The following OGA variants were observed in gnomAD, a reference collection of about 807,000 sequenced individuals.
OGA encodes protein O-GlcNAcase.
A neutral mutation model predicts 102.0 loss-of-function variants in OGA; 21 were observed. The observed-to-expected ratio is 0.21, with a 90% CI of 0.15 to 0.30. OGA has a LOEUF of 0.30. Ranked by LOEUF, OGA falls within the 10% of genes least tolerant of loss-of-function variation. OGA has a pLI of 1.00. For missense variants in OGA, 765 were observed against 1,107.8 expected, an observed-to-expected ratio of 0.69 and a Z score of 4.39; for synonymous variants, 408 against 378.2, an observed-to-expected ratio of 1.08 and a Z score of -0.91.
intron 6 of OGA, 76 bp from the exon 7 acceptor site, chr10:101,804,095 A>G: frequency 1.4e-6 from 2 of 1,393,200 alleles, no homozygotes; most frequent in South Asian, 1.4e-5. Flanking sequence ...CTGTAATCCC[A>G]GCACTCTGGG....
At chr10:101,812,849 T>C (rs1343821867) in intron 3 of OGA, 181 bp downstream of exon 3, 8 of 670,648 alleles carry the variant, frequency 1.2e-5, no homozygotes, top group Middle Eastern at 2.4e-4. Flanking sequence ...CATATGGTCA[T>C]GACCTTGCTA....
intron 3 of OGA, among the ~76,000 whole-genome samples, chr10:101,810,994 C>CTT (rs940574452): frequency 1.4e-4 from 21 of 144,866 alleles, no homozygotes; most frequent in South Asian, 1.1e-3. Context: ...CTGGATCTTG[C>CTT]TTTTTTTTTT....
Position 101,810,232 on chromosome 10 carries a change from A to G in OGA, c.432T>C (p.Thr144=). ...IYAISPGLDI[T]FSNPKEVSTL... is the part of the protein sequence containing the mutation. ...TGGATACTTCCTTGGGGTTAGAAAA[A>G]GTGATATCCAATCCAGGTGAGATCG... The change falls in exon 4 of 16, where the codon ACT becomes ACC. Residue 144 remains threonine, a synonymous_variant. Coordinates refer to ENST00000361464, the MANE Select transcript of OGA (RefSeq NM_012215.5). 1 of 1,612,274 alleles carries G rather than the reference A, an allele frequency of 6.2e-7. No individual in the cohort carries two copies. The highest frequency in any genetic ancestry group is 1.7e-5 in the Admixed American group (1 of 59,988).
chr10:101,787,355 T>C lies in OGA; in HGVS notation c.2614+9A>G, dbSNP rs2065202928. On this transcript the variant is annotated intron_variant, in intron 15 of 15. Transcript: ENST00000361464. ...CCAAATACCACCAACTCCACAAATA[T>C]GTACTCACCATTAGCCTTCAGTGAA... 3 of 1,601,934 alleles carry C rather than the reference T, an allele frequency of 1.9e-6. No individual in the cohort carries two copies. Among genetic ancestry groups the C allele is most frequent in the East Asian group, 2.2e-5 (1 of 44,628 alleles).
chr10:101,814,909 G>A (rs1335984254), intron 1 of OGA, among the ~76,000 whole-genome samples: 1 of 152,166 alleles, frequency 6.6e-6, no homozygotes, highest in Non-Finnish European at 1.5e-5. Flanking sequence ...ACTGGTATCT[G>A]GAACTCCCTA....
In OGA at chr10:101,805,420, C is replaced by T. The variant is rs191603410; in HGVS notation, c.751+625G>A. Among the ~76,000 whole-genome samples, 704 of 152,152 alleles carry T rather than the reference C, an allele frequency of 4.6e-3. 6 individuals carry two copies. Among genetic ancestry groups the T allele is most frequent in the African/African-American group, 0.015 (624 of 41,520 alleles). On this transcript the variant is annotated intron_variant, in intron 6 of 15. Transcript: ENST00000361464. ...GTGTAATCCCAGCACTTTGGGAGGCCGAAGTGGGCAGATCACCTGAGGTCG... is the reference window on the plus strand; with the variant it reads ...GTGTAATCCCAGCACTTTGGGAGGCTGAAGTGGGCAGATCACCTGAGGTCG...
intron 7 of OGA, among the ~76,000 whole-genome samples, chr10:101,800,771 C>CTT (rs771355527): frequency 0.027 from 3,123 of 117,562 alleles, 69 homozygotes; most frequent in Middle Eastern, 0.069. Context: ...CTTGTAACTT[C>CTT]TTTTTTTTTT....
intron 12 of OGA, chr10:101,792,593 G>C: frequency 2.5e-6 from 1 of 396,458 alleles, no homozygotes; most frequent in East Asian, 4.2e-5. Flanking sequence ...TAACTATTTT[G>C]TAACTCCAAC....
rs953847573 is a variant in OGA, at chr10:101,786,053, G to A, written c.*398C>T. 1.9e-5 allele frequency: 3 copies of A among 155,136 alleles called. No homozygotes were observed. Among genetic ancestry groups the A allele is most frequent in the African/African-American group, 7.2e-5 (3 of 41,588 alleles). The allele number at this position is 155,136 out of a possible 1,614,324, so 9.6% of individuals were successfully genotyped here. ...TCTCTGCCATGTCCCCTAAGACTGA[G>A]AGGCATTTCACTCAATAAACCAAGG... On this transcript the variant is annotated 3_prime_UTR_variant, in exon 16 of 16. Transcript: ENST00000361464.
chr10:101,785,330 T>G lies in OGA; in HGVS notation c.*1121A>C, dbSNP rs2065181527. 6.6e-6 allele frequency: 1 copy of G among 152,386 alleles called. No homozygotes were observed. The highest frequency in any genetic ancestry group is 1.5e-5 in the Non-Finnish European group (1 of 68,046). 9.4% of individuals were successfully genotyped at this position (152,386 alleles called of 1,614,324 possible). A position where few individuals can be genotyped will look rare whatever the true frequency, so the allele number is the denominator to read the frequency against. On this transcript the variant is annotated 3_prime_UTR_variant, in exon 16 of 16. Coordinates refer to ENST00000361464, the MANE Select transcript of OGA (RefSeq NM_012215.5). The stretch of plus-strand genomic sequence containing the variant: ...AAAGTGTGCTCATTCATTCAGAAAT[T>G]AGATACAAACATGCAAGAATTAAAG...
At chr10:101,800,667 A>G (rs758299662) in intron 7 of OGA, among the ~76,000 whole-genome samples, 1 of 152,198 alleles carries the variant, frequency 6.6e-6, no homozygotes, top group Non-Finnish European at 1.5e-5. Context: ...GGAAGAGTCA[A>G]TCTTAACCGT....
Position 101,784,779 on chromosome 10 carries a change from G to A in OGA, c.*1672C>T, listed in dbSNP as rs1400116781. 6.6e-6 allele frequency: 1 copy of A among 152,200 alleles called. No individual in the cohort carries two copies. Among genetic ancestry groups the A allele is most frequent in the African/African-American group, 2.4e-5 (1 of 41,444 alleles). 9.4% of individuals were successfully genotyped at this position (152,200 alleles called of 1,614,324 possible). On this transcript the variant is annotated 3_prime_UTR_variant, in exon 16 of 16. Coordinates refer to ENST00000361464, the MANE Select transcript of OGA (RefSeq NM_012215.5). ...GAATTGTCCACTAGTGTTAAGACGA[G>A]AAAACTGAGGAAAACTCAGCTGTCT...
At chr10:101,805,500 C>A (rs1187010455) in intron 6 of OGA, among the ~76,000 whole-genome samples, 1 of 151,644 alleles carries the variant, frequency 6.6e-6, no homozygotes, top group Non-Finnish European at 1.5e-5. Flanking sequence ...ACTAGAAATA[C>A]AAAAATTAGC....
chr10:101,804,430 G>A (rs917145056), intron 6 of OGA, among the ~76,000 whole-genome samples: 16 of 151,616 alleles, frequency 1.1e-4, no homozygotes, highest in Non-Finnish European at 1.9e-4. Context: ...CCTCCACCAC[G>A]CCTGGCTAAT....
chr10:101,817,259 G>A lies in OGA; in HGVS notation c.199+565C>T, dbSNP rs117626890. ...GATTAAAGCCAAAGTTTCATCCCTC[G>A]AGAGCAAAGTACAGTAGCTGGGAAA... is the stretch of plus-strand genomic sequence containing the variant. On this transcript the variant is annotated intron_variant, in intron 1 of 15. Transcript: ENST00000361464. 2.8e-4 allele frequency among the ~76,000 whole-genome samples: 43 copies of A among 152,258 alleles called. No individual in the cohort carries two copies. The East Asian group carries it at 8.1e-3, about 29-fold the overall frequency.
At chr10:101,788,855 G>A (rs143099358) in intron 14 of OGA, among the ~76,000 whole-genome samples, 1 of 152,282 alleles carries the variant, frequency 6.6e-6, no homozygotes, top group African/African-American at 2.4e-5. Flanking sequence ...ATATACCCAT[G>A]TTGGTTACTT....
At chr10:101,809,573 A>G (rs2065523260) in intron 4 of OGA, among the ~76,000 whole-genome samples, 1 of 151,780 alleles carries the variant, frequency 6.6e-6, no homozygotes, top group African/African-American at 2.4e-5. Context: ...AAAATTAGCC[A>G]GGCATGGTGG....
rs187036000 is a variant in OGA, at chr10:101,796,375, C to T, written c.1984+1605G>A. ...CTCCTGGGTTCAAGTGATTCTTCTG[C>T]CTCAGCCTCCCAAGCAGCTGGGACT... On this transcript the variant is annotated intron_variant, in intron 10 of 15. Transcript: ENST00000361464. 1.8e-4 allele frequency among the ~76,000 whole-genome samples: 27 copies of T among 152,166 alleles called. No individual in the cohort carries two copies. The East Asian group carries it at 4.5e-3, about 25-fold the overall frequency.
chr10:101,786,788 C>T (rs551624712), intron 15 of OGA, among the ~76,000 whole-genome samples: 3 of 152,344 alleles, frequency 2.0e-5, no homozygotes, highest in Non-Finnish European at 2.9e-5. Context: ...CAGCTTCCCC[C>T]GCACCCGAGA....
Sources: gnomAD v4.1 joint callset for allele counts (sites outside exome capture counted in the v4.1 genomes callset) on GRCh38, gnomAD v4.1.1 for gene constraint, MANE v1.5 for transcripts, NCBI Gene and HGNC (gene_info 2026-07-23, HGNC 2026-07-21) for gene names.